Variants in UNC79 observed in about 807,000 individuals in gnomAD.
UNC79 encodes protein unc-79 homolog.
UNC79 carries 37 observed loss-of-function variants against 283.1 expected under a neutral mutation model. That is an observed-to-expected ratio of 0.13 (90% CI 0.10 to 0.17). The LOEUF (loss-of-function observed/expected upper bound fraction) is 0.17, where lower values mean the gene tolerates loss of function less well. Ranked by LOEUF, UNC79 falls within the 10% of genes least tolerant of loss-of-function variation. The probability of loss-of-function intolerance (pLI) is 1.00; values close to 1 mark genes in which losing one functional copy is unlikely to be tolerated. For missense variants in UNC79, 2,272 were observed against 3,211.1 expected (o/e 0.71, Z 7.07); for synonymous variants, 1,107 against 1,200.2 (o/e 0.92, Z 1.61).
intron 47 of UNC79, 74 bp downstream of exon 50, chr14:93,694,486 T>C: frequency 7.3e-7 from 1 of 1,365,562 alleles, no homozygotes; most frequent in East Asian, 2.3e-5. Flanking sequence ...TTGAAGGTAC[T>C]TTCTGAAGAT....
chr14:93,677,890 T>A (rs1365946050), intron 41 of UNC79, among the ~76,000 whole-genome samples: 2 of 152,186 alleles, frequency 1.3e-5, no homozygotes, highest in South Asian at 4.1e-4. Flanking sequence ...CCTCGTGATA[T>A]GCCTGCCTCG....
rs572963220 is a variant in UNC79 at position 93,580,364 on chromosome 14, A to G, written c.2649A>G (p.Glu883=). 4 of 1,613,776 alleles carry G rather than the reference A, an allele frequency of 2.5e-6. No individual in the cohort carries two copies. In the South Asian group the frequency reaches 4.4e-5, roughly 18 times the overall value. ...TGGAGAGACTAGCTCCTAAAGAAGAAAGCCGGCTGGTGGTAAGCAGTTGAA... is the reference window on the plus strand; with the variant it reads ...TGGAGAGACTAGCTCCTAAAGAAGAGAGCCGGCTGGTGGTAAGCAGTTGAA... The change falls in exon 19 of 49, where the codon GAA becomes GAG. Residue 883 remains glutamate, a synonymous_variant. Transcript: ENST00000555664.
In UNC79 at chr14:93,686,600, G is replaced by A. The variant is rs200556160; in HGVS notation, c.6848G>A (p.Arg2283Lys). The A allele has an allele frequency of 8.1e-6, 13 of 1,614,158 alleles. No individual in the cohort carries two copies. The Admixed American group carries it at 1.7e-4, about 21-fold the overall frequency. ...GGGACTGCAGCGATGGAGTGTGTGA[G>A]GCAGTACATCAACGAAGTGCTGGAT... Residue 2283 changes from arginine to lysine, a missense_variant, in exon 43 of 49, where the codon AGG becomes AAG. Arg to Lys is a conservative substitution (Grantham distance 26). Transcript: ENST00000555664.
intron 7 of UNC79, among the ~76,000 whole-genome samples, chr14:93,502,910 G>A (rs756095065): frequency 2.0e-5 from 3 of 152,172 alleles, no homozygotes; most frequent in African/African-American, 7.2e-5. Context: ...GTGCAAGAAG[G>A]TCTACCAGTT....
chr14:93,631,211 A>G (rs968313587), intron 31 of UNC79, among the ~76,000 whole-genome samples: 14 of 152,344 alleles, frequency 9.2e-5, no homozygotes, highest in African/African-American at 3.4e-4. Context: ...CCTGAACATA[A>G]AACACGGAAC....
intron 25 of UNC79, among the ~76,000 whole-genome samples, chr14:93,601,175 T>G (rs1450426826): frequency 1.3e-5 from 2 of 152,176 alleles, no homozygotes; most frequent in African/African-American, 4.8e-5. Context: ...TTAGTGGTAA[T>G]TTCTGAGATT....
intron 30 of UNC79, among the ~76,000 whole-genome samples, chr14:93,626,277 G>A (rs2067562287): frequency 1.3e-5 from 2 of 152,044 alleles, no homozygotes; most frequent in East Asian, 1.9e-4. Flanking sequence ...CACCTTATCT[G>A]CCCACCTTCC....
At chr14:93,346,130 A>C (rs2053822903) in intron 1 of UNC79, among the ~76,000 whole-genome samples, 1 of 152,052 alleles carries the variant, frequency 6.6e-6, no homozygotes, top group Non-Finnish European at 1.5e-5. Flanking sequence ...TATCACCTAC[A>C]AACCCTTCCT....
At chr14:93,405,721 A>C (rs1298782063) in intron 1 of UNC79, among the ~76,000 whole-genome samples, 1 of 152,262 alleles carries the variant, frequency 6.6e-6, no homozygotes, top group African/African-American at 2.4e-5. Flanking sequence ...AATGCCAATT[A>C]CAAAAATATT....
intron 1 of UNC79, among the ~76,000 whole-genome samples, chr14:93,415,872 T>G (rs1484742526): frequency 2.0e-5 from 3 of 152,140 alleles, no homozygotes; most frequent in Admixed American, 1.3e-4. Flanking sequence ...TGATATCCCC[T>G]TTATCATTTT....
In UNC79 at chr14:93,646,482, G is replaced by A. The variant is rs899623997; in HGVS notation, c.6045-126G>A. The A allele has an allele frequency of 4.5e-6, 4 of 892,784 alleles. No homozygotes were observed. In the African/African-American group the frequency reaches 6.6e-5, roughly 15 times the overall value. 55.3% of individuals were successfully genotyped at this position (892,784 alleles called of 1,614,324 possible). ...GAGTGGGCCCTCTGTACTGTCAAGG[G>A]AATTGTCAACATTATACATGTCTCC... On this transcript the variant is annotated intron_variant, in intron 34 of 48. Transcript: ENST00000555664.
At chr14:93,624,038 A>G (rs1197326459) in intron 30 of UNC79, among the ~76,000 whole-genome samples, 1 of 152,220 alleles carries the variant, frequency 6.6e-6, no homozygotes, top group Non-Finnish European at 1.5e-5. Flanking sequence ...CTCATATTAT[A>G]CAGGAAGATA....
At chr14:93,343,324 A>G (rs917410927) in intron 1 of UNC79, among the ~76,000 whole-genome samples, 1 of 152,230 alleles carries the variant, frequency 6.6e-6, no homozygotes, top group African/African-American at 2.4e-5. Flanking sequence ...AGCAAGGGGC[A>G]TGTCTTCTTA....
intron 1 of UNC79, among the ~76,000 whole-genome samples, chr14:93,411,176 C>G (rs1566918816): frequency 6.6e-6 from 1 of 152,092 alleles, no homozygotes; most frequent in Non-Finnish European, 1.5e-5. Context: ...CTTCGCAGTA[C>G]TCCCCATCCT....
chr14:93,333,611 G>A (rs1181648831), intron 1 of UNC79: 4 of 392,924 alleles, frequency 1.0e-5, no homozygotes, highest in Non-Finnish European at 1.8e-5. Context: ...ACACTGAAAA[G>A]TTTTCCTTAA....
At chr14:93,464,663 A>G in intron 1 of UNC79, 2 of 450,432 alleles carry the variant, frequency 4.4e-6, no homozygotes, top group Non-Finnish European at 8.9e-6. Flanking sequence ...ATAATTGAAG[A>G]GTGTAGAAGA....
chr14:93,569,906 A>G lies in UNC79; in HGVS notation c.1756-1988A>G, dbSNP rs182990578. ...AAGCCACATTTCTGTTTTTGTAAAG[A>G]CTCAGTAAAGCCAGAACATTTATTT... On this transcript the variant is annotated intron_variant, in intron 14 of 48. Coordinates refer to ENST00000555664, the Ensembl canonical transcript of UNC79. Among the ~76,000 whole-genome samples the G allele has an allele frequency of 2.8e-4, 42 of 152,188 alleles. No homozygotes were observed. In the East Asian group the frequency reaches 6.8e-3, roughly 24 times the overall value.
intron 1 of UNC79, chr14:93,466,857 T>A (rs1397187812): frequency 3.0e-6 from 3 of 985,194 alleles, no homozygotes; most frequent in Non-Finnish European, 3.6e-6. Context: ...TACAGCCAGG[T>A]CAAAGGTCAG....
At chr14:93,363,494 T>C (rs1437638100) in intron 1 of UNC79, among the ~76,000 whole-genome samples, 1 of 152,198 alleles carries the variant, frequency 6.6e-6, no homozygotes, top group Non-Finnish European at 1.5e-5. Context: ...GGTCAAGTGT[T>C]GAGTTTAGGT....
Sources: gnomAD v4.1 joint callset for allele counts (sites outside exome capture counted in the v4.1 genomes callset) on GRCh38, gnomAD v4.1.1 for gene constraint, MANE v1.5 for transcripts, NCBI Gene and HGNC (gene_info 2026-07-23, HGNC 2026-07-21) for gene names.